Variants in MXD4 observed in about 807,000 individuals in gnomAD.
MXD4 encodes the protein MAX dimerization protein 4.
In MXD4, 16 loss-of-function variants were observed where a neutral mutation model predicts 24.5. That is an observed-to-expected ratio of 0.65 (90% CI 0.44 to 0.99). The LOEUF (loss-of-function observed/expected upper bound fraction) is 0.99. Among genes scored for constraint, MXD4 ranks in the 50% least tolerant of loss-of-function variants. The pLI is 0.00. For synonymous variants in MXD4, 164 were observed against 134.2 expected (o/e 1.22, Z -1.54); for missense variants, 301 against 301.5 (o/e 1.00, Z 0.01).
Position 2,250,685 on chromosome 4 carries a change from G to A in MXD4, c.489C>T (p.Gly163=). Residue 163 remains glycine (G), a synonymous_variant, in exon 6 of 6, where the codon GGC becomes GGT. Coordinates refer to ENST00000337190, the MANE Select transcript of MXD4 (RefSeq NM_006454.3). ...CCAGCTCACCAGGGCCAAACTCCAT[G>A]CCCTCTATGTCCACTTCTAGGGAGA... is the stretch of plus-strand genomic sequence containing the variant. The part of the protein sequence containing the change: ...DDSEQEVDIE[G]MEFGPGELDS... 6.2e-7 allele frequency: 1 copy of A among 1,613,666 alleles called. No individual in the cohort carries two copies. Among genetic ancestry groups the A allele is most frequent in the African/African-American group, 1.3e-5 (1 of 75,064 alleles).
Position 2,249,491 on chromosome 4 carries a change from C to A in MXD4, c.*1053G>T, listed in dbSNP as rs1735267497. ...GGGAAAGCCTCTCTGCCAGCTGAAG[C>A]TGCCGCAGCAGAGCTCATGAGAAGC... On this transcript the variant is annotated 3_prime_UTR_variant, in exon 6 of 6. Coordinates refer to ENST00000337190, the MANE Select transcript of MXD4 (RefSeq NM_006454.3). The A allele has an allele frequency of 6.6e-6, 1 of 151,468 alleles. No homozygotes were observed. The highest frequency in any genetic ancestry group is 6.6e-5 in the Admixed American group (1 of 15,242). 9.4% of individuals were successfully genotyped at this position (151,468 alleles called of 1,614,324 possible). A position where few individuals can be genotyped will look rare whatever the true frequency, so the allele number is the denominator to read the frequency against.
chr4:2,250,981 G>C (rs1046501174), intron 5 of MXD4, 103 bp downstream of exon 5: 15 of 1,366,626 alleles, frequency 1.1e-5, no homozygotes, highest in Non-Finnish European at 1.5e-5. Flanking sequence ...AGCTGGGAGG[G>C]TTCTCCCCAG....
At chr4:2,259,713 G>A (rs776130046) in intron 2 of MXD4, among the ~76,000 whole-genome samples, 52 of 152,266 alleles carry the variant, frequency 3.4e-4, no homozygotes, top group Admixed American at 6.5e-4. Context: ...GGGGTCCATC[G>A]AGGGGGATGT....
chr4:2,250,718 G>C lies in MXD4; in HGVS notation c.473-17C>G, dbSNP rs547411304. 23 of 1,610,584 alleles carry C rather than the reference G, an allele frequency of 1.4e-5. No homozygotes were observed. The highest frequency in any genetic ancestry group is 1.9e-5 in the Non-Finnish European group (22 of 1,177,982). ...TGTCCACTTCTAGGGAGAATAGAGT[G>C]GGGATGGGGTCAGGCCACTCTGAGG... On this transcript the variant is annotated splice_polypyrimidine_tract_variant and intron_variant, in intron 5 of 5. Transcript: ENST00000337190.
rs1735312496 is a variant in MXD4 at position 2,251,128 on chromosome 4, G to A, written c.428C>T (p.Thr143Ile). 6.2e-7 allele frequency: 1 copy of A among 1,600,198 alleles called. No individual in the cohort carries two copies. The highest frequency in any genetic ancestry group is 1.1e-5 in the South Asian group (1 of 89,196). ...GGAGACAGCAGAGCCCGTGCTATCT[G>A]TGCGCACGCGCTCCACGCTCTGCAC... ...LSVQSVERVR[T>I]DSTGSAVSTD... The change falls in exon 5 of 6, where the codon ACA becomes ATA. Residue 143 changes from threonine to isoleucine, a missense_variant. Physicochemically the swap from Thr to Ile is moderately conservative, Grantham distance 89. Transcript: ENST00000337190.
intron 2 of MXD4, among the ~76,000 whole-genome samples, chr4:2,261,348 G>A (rs1353757821): frequency 1.3e-5 from 2 of 152,206 alleles, no homozygotes; most frequent in Non-Finnish European, 2.9e-5. Context: ...GACCCTGGCT[G>A]AGCCTGTTTC....
chr4:2,257,123 G>A (rs2237001), intron 3 of MXD4, among the ~76,000 whole-genome samples: 48,847 of 152,148 alleles, frequency 0.32, 11,974 homozygotes, highest in African/African-American at 0.68. Flanking sequence ...CCTGAATCCC[G>A]GGAGAACGGA....
chr4:2,255,084 A>C (rs1735398785), intron 3 of MXD4: 1 of 357,572 alleles, frequency 2.8e-6, no homozygotes, highest in Admixed American at 3.8e-5. Flanking sequence ...TGGCACAGCC[A>C]AGTGTCCTGT....
intron 2 of MXD4, among the ~76,000 whole-genome samples, chr4:2,261,105 AG>A (rs778372567): frequency 2.0e-5 from 3 of 152,254 alleles, no homozygotes; most frequent in Non-Finnish European, 2.9e-5. Flanking sequence ...GTCTTAAAAA[AG>A]AGGACCCCCA....
At chr4:2,258,996 C>T (rs996320755) in intron 2 of MXD4, 12 of 455,158 alleles carry the variant, frequency 2.6e-5, no homozygotes, top group Non-Finnish European at 4.9e-5. Flanking sequence ...CTCCAGGCCA[C>T]CTTCCGTGTC....
intron 3 of MXD4, 109 bp from the exon 4 acceptor site, chr4:2,252,631 GA>G (rs1735348426): frequency 1.4e-6 from 1 of 719,668 alleles, no homozygotes; most frequent in Admixed American, 2.5e-5. Flanking sequence ...CACATGTGCT[GA>G]GGGTCCCTCT....
chr4:2,251,204 G>C lies in MXD4; in HGVS notation c.352C>G (p.Gln118Glu), dbSNP rs1285949447. 8.1e-6 allele frequency: 13 copies of C among 1,607,938 alleles called. No individual in the cohort carries two copies. The highest frequency in any genetic ancestry group is 1.1e-5 in the Non-Finnish European group (13 of 1,176,990). Residue 118 changes from glutamine to glutamate, a missense_variant, in exon 5 of 6, where the codon CAG (glutamine) becomes GAG (glutamate). Gln to Glu is a conservative substitution (Grantham distance 29). Transcript: ENST00000337190. ...QDRRALSIKEQLQQEHRFLKR... is the reference protein window; with the variant it reads ...QDRRALSIKEELQQEHRFLKR... ...AGGAAACGATGCTCCTGCTGCAGCT[G>C]CTCCTTGATGCTCAGTGCCCGGCGG...
At chr4:2,252,297 C>A in intron 4 of MXD4, 111 bp downstream of exon 4, 1 of 866,166 alleles carries the variant, frequency 1.2e-6, no homozygotes, top group Non-Finnish European at 1.9e-6. Context: ...CACCCATCTT[C>A]AGGCCCTCTG....
chr4:2,260,534 G>A (rs762794281), intron 2 of MXD4: 2 of 455,832 alleles, frequency 4.4e-6, no homozygotes, highest in South Asian at 3.1e-5. Context: ...GGTTTGGAGA[G>A]AAGCGGCAGC....
At chr4:2,257,569 G>C (rs1735456052) in intron 3 of MXD4, among the ~76,000 whole-genome samples, 3 of 152,242 alleles carry the variant, frequency 2.0e-5, no homozygotes, top group Admixed American at 2.0e-4. Context: ...GCCAGGGACT[G>C]GCTGCCCTCC....
rs970245767 is a variant in MXD4 at position 2,249,861 on chromosome 4, G to C, written c.*683C>G. The C allele has an allele frequency of 1.3e-5, 2 of 152,764 alleles. No homozygotes were observed. Among genetic ancestry groups the C allele is most frequent in the African/African-American group, 4.8e-5 (2 of 41,470 alleles). The allele number at this position is 152,764 out of a possible 1,614,324, so 9.5% of individuals were successfully genotyped here. ...GCATGTGTGAGCATGTACATGAGTGGGTGTGTCTAGGTGCGTGCGCGTGTG... is the reference window on the plus strand; with the variant it reads ...GCATGTGTGAGCATGTACATGAGTGCGTGTGTCTAGGTGCGTGCGCGTGTG... On this transcript the variant is annotated 3_prime_UTR_variant, in exon 6 of 6. Transcript: ENST00000337190.
At chr4:2,261,116 A>G (rs1735533041) in intron 2 of MXD4, among the ~76,000 whole-genome samples, 1 of 152,156 alleles carries the variant, frequency 6.6e-6, no homozygotes, top group African/African-American at 2.4e-5. Context: ...GAGGACCCCC[A>G]TACTGGTGGC....
At chr4:2,261,313 G>A (rs1332951260) in intron 2 of MXD4, among the ~76,000 whole-genome samples, 1 of 152,164 alleles carries the variant, frequency 6.6e-6, no homozygotes, top group East Asian at 1.9e-4. Flanking sequence ...GCGGAGAGAA[G>A]GGGTTAGGGC....
chr4:2,258,103 G>C (rs1284735609), intron 2 of MXD4, 92 bp from the exon 3 acceptor site: 1 of 1,492,670 alleles, frequency 6.7e-7, no homozygotes. Context: ...AGGACCTGCA[G>C]ACAGTGGCTG....
Sources: gnomAD v4.1 joint callset for allele counts (sites outside exome capture counted in the v4.1 genomes callset) on GRCh38, gnomAD v4.1.1 for gene constraint, MANE v1.5 for transcripts, NCBI Gene and HGNC (gene_info 2026-07-23, HGNC 2026-07-21) for gene names.